The following LARP1 variants were observed in gnomAD, a reference collection of about 807,000 sequenced individuals.
LARP1 encodes la-related protein 1.
LARP1 carries 36 observed loss-of-function variants against 122.7 expected under a neutral mutation model. The ratio of observed to expected loss-of-function variants is 0.29; its 90% CI spans 0.22 to 0.39. The LOEUF is 0.39. Among genes scored for constraint, LARP1 ranks in the 10% least tolerant of loss-of-function variants. The probability of loss-of-function intolerance (pLI) is 1.00; values close to 1 mark genes in which losing one functional copy is unlikely to be tolerated. For missense variants in LARP1, 1,040 were observed against 1,403.6 expected, an observed-to-expected ratio of 0.74 and a Z score of 4.14; for synonymous variants, 539 against 528.7, an observed-to-expected ratio of 1.02 and a Z score of -0.27.
chr5:154,801,885 C>G, intron 10 of LARP1, 122 bp from the exon 11 acceptor site: 1 of 880,566 alleles, frequency 1.1e-6, no homozygotes, highest in Non-Finnish European at 1.7e-6. Context: ...GCTGGTGTTA[C>G]CAGGGTCATA....
intron 1 of LARP1, among the ~76,000 whole-genome samples, chr5:154,786,219 T>G (rs1756868821): frequency 6.6e-6 from 1 of 152,136 alleles, no homozygotes; most frequent in South Asian, 2.1e-4. Context: ...TTTTGTATTT[T>G]TAGTATAGAC....
intron 8 of LARP1, among the ~76,000 whole-genome samples, chr5:154,797,231 T>G (rs796874063): frequency 6.3e-4 from 78 of 123,774 alleles, no homozygotes; most frequent in Non-Finnish European, 1.1e-3. Context: ...GTTTTTTTTT[T>G]TTTTTTTTTT....
At chr5:154,794,559 T>A (rs998362961) in intron 7 of LARP1, among the ~76,000 whole-genome samples, 1 of 152,232 alleles carries the variant, frequency 6.6e-6, no homozygotes, top group Non-Finnish European at 1.5e-5. Context: ...ATTGACAGAA[T>A]ACTAACATTT....
intron 1 of LARP1, among the ~76,000 whole-genome samples, chr5:154,691,315 G>A (rs188220206): frequency 8.7e-4 from 130 of 150,090 alleles, no homozygotes; most frequent in African/African-American, 3.1e-3. Flanking sequence ...GATACAGCCC[G>A]AGTTCTAGTC....
chr5:154,702,106 G>A (rs1754748549), intron 1 of LARP1, among the ~76,000 whole-genome samples: 2 of 152,124 alleles, frequency 1.3e-5, no homozygotes, highest in Admixed American at 6.5e-5. Context: ...TCTACCCTCT[G>A]GACTTAATGG....
chr5:154,800,717 C>T (rs751986204), intron 10 of LARP1, among the ~76,000 whole-genome samples: 1 of 152,212 alleles, frequency 6.6e-6, no homozygotes, highest in African/African-American at 2.4e-5. Context: ...CATACCTGCT[C>T]ACTGTCACCC....
At chr5:154,765,459 C>T (rs901832363) in intron 1 of LARP1, among the ~76,000 whole-genome samples, 7 of 152,188 alleles carry the variant, frequency 4.6e-5, no homozygotes, top group Non-Finnish European at 7.3e-5. Flanking sequence ...AGTGCAATCA[C>T]GGCTCACTGC....
Position 154,797,382 on chromosome 5 carries a change from C to T in LARP1, c.1377+2063C>T, listed in dbSNP as rs1359640287. ...CCAAGTAGCTGGTATTACAGGCATG[C>T]ACCACCACACCCAGCTAATTTTGTA... is the stretch of plus-strand genomic sequence containing the variant. On this transcript the variant is annotated intron_variant, in intron 8 of 18. Coordinates refer to ENST00000518297, the MANE Select transcript of LARP1 (RefSeq NM_033551.3). Among the ~76,000 whole-genome samples, 5 of 151,600 alleles carry T rather than the reference C, an allele frequency of 3.3e-5. No homozygotes were observed. In the East Asian group the frequency reaches 9.7e-4, roughly 29 times the overall value.
At chr5:154,714,737 C>T (rs1047245914) in intron 1 of LARP1, among the ~76,000 whole-genome samples, 1 of 152,136 alleles carries the variant, frequency 6.6e-6, no homozygotes, top group African/African-American at 2.4e-5. Context: ...CACCCTCTCT[C>T]GGGGTAGAGC....
chr5:154,796,101 A>G (rs1441721905), intron 8 of LARP1, among the ~76,000 whole-genome samples: 1 of 120,796 alleles, frequency 8.3e-6, no homozygotes, highest in African/African-American at 3.3e-5. Context: ...TATTTTATAT[A>G]TTTATATATA....
chr5:154,722,696 T>C (rs1369227291), intron 1 of LARP1, among the ~76,000 whole-genome samples: 2 of 150,840 alleles, frequency 1.3e-5, no homozygotes, highest in Non-Finnish European at 3.0e-5. Flanking sequence ...TTTTTTTTTT[T>C]TTGAGACGGA....
chr5:154,695,483 C>A (rs1754426793), intron 1 of LARP1, among the ~76,000 whole-genome samples: 1 of 151,834 alleles, frequency 6.6e-6, no homozygotes, highest in South Asian at 2.1e-4. Flanking sequence ...ATGGTGAAAC[C>A]CCGTCTCTAC....
At chr5:154,778,944 A>G (rs1260426435) in intron 1 of LARP1, among the ~76,000 whole-genome samples, 1 of 152,208 alleles carries the variant, frequency 6.6e-6, no homozygotes, top group African/African-American at 2.4e-5. Flanking sequence ...AGTCTATAAA[A>G]TTACTGTTTA....
At chr5:154,692,451 T>C (rs1384046224) in intron 1 of LARP1, among the ~76,000 whole-genome samples, 1 of 152,174 alleles carries the variant, frequency 6.6e-6, no homozygotes, top group African/African-American at 2.4e-5. Context: ...GTTATTATAA[T>C]TCTCAGCCCA....
intron 1 of LARP1, among the ~76,000 whole-genome samples, chr5:154,730,537 A>G (rs540251322): frequency 1.3e-5 from 2 of 151,860 alleles, no homozygotes; most frequent in South Asian, 2.1e-4. Flanking sequence ...CAATGGCGCA[A>G]TCTCGGCTCA....
intron 1 of LARP1, among the ~76,000 whole-genome samples, chr5:154,719,114 G>T (rs1755697147): frequency 1.3e-5 from 2 of 152,192 alleles, no homozygotes; most frequent in Non-Finnish European, 2.9e-5. Flanking sequence ...AGCCTGGCTG[G>T]GATAGGGGCT....
intron 1 of LARP1, among the ~76,000 whole-genome samples, chr5:154,744,836 A>G (rs1200032877): frequency 7.6e-6 from 1 of 132,230 alleles, no homozygotes; most frequent in Non-Finnish European, 1.6e-5. Context: ...ACGGGGTTTC[A>G]CCGTTTTAGC....
At chr5:154,707,759 G>C (rs959369300) in intron 1 of LARP1, among the ~76,000 whole-genome samples, 1 of 152,104 alleles carries the variant, frequency 6.6e-6, no homozygotes, top group Non-Finnish European at 1.5e-5. Flanking sequence ...TGGGGGTGAT[G>C]GGAGATAGTG....
Position 154,814,237 on chromosome 5 carries a change from G to A in LARP1, c.*141G>A. 3 of 801,792 alleles carry A rather than the reference G, an allele frequency of 3.7e-6. No individual in the cohort carries two copies. The highest frequency in any genetic ancestry group is 3.6e-5 in the South Asian group (2 of 55,704). 49.7% of individuals were successfully genotyped at this position (801,792 alleles called of 1,614,324 possible). ...ACAGGCCTTTGTGCTGAGTAGCAAT[G>A]TATACACCATTTGGGCTATCAGAGG... On this transcript the variant is annotated 3_prime_UTR_variant, in exon 19 of 19. Transcript: ENST00000518297.
Sources: gnomAD v4.1 joint callset for allele counts (sites outside exome capture counted in the v4.1 genomes callset) on GRCh38, gnomAD v4.1.1 for gene constraint, MANE v1.5 for transcripts, NCBI Gene and HGNC (gene_info 2026-07-23, HGNC 2026-07-21) for gene names.